VCF2: variants seen among roughly 807,000 people sequenced by gnomAD.
The protein encoded by VCF2 is VCP nuclear cofactor family member 2.
At chrX:55,147,634 G>GTTTTTCTTTT in the VCF2 span, among the ~76,000 whole-genome samples, 1 of 54,091 alleles carries the variant, frequency 1.8e-5, no homozygotes, top group Non-Finnish European at 3.1e-5. Flanking sequence ...GGCTTTCCTT[G>GTTTTTCTTTT]TTTTTTTTTT....
chrX:55,155,230 T>C, the VCF2 span, among the ~76,000 whole-genome samples: 9 of 111,966 alleles, frequency 8.0e-5, no homozygotes, highest in Non-Finnish European at 1.5e-4. Context: ...GGGCCTTGAA[T>C]GTTACTCTAA....
At chrX:55,152,999 A>G in the VCF2 span, among the ~76,000 whole-genome samples, 1 of 112,107 alleles carries the variant, frequency 8.9e-6, no homozygotes, top group Admixed American at 9.4e-5. Flanking sequence ...CAGATCAAGG[A>G]CTCAAAAGAT....
chrX:55,145,506 T>C, the VCF2 span: 174 of 753,187 alleles, frequency 2.3e-4, no homozygotes, highest in South Asian at 3.4e-4. Context: ...AAACTGGGTC[T>C]GATTGTTGCC....
chrX:55,158,957 T>C, the VCF2 span, among the ~76,000 whole-genome samples: 128 of 112,154 alleles, frequency 1.1e-3, 1 homozygote, highest in Admixed American at 6.3e-3. Context: ...CCATTTTCTG[T>C]GAGATACTAT....
the VCF2 span, chrX:55,146,349 C>T: frequency 8.8e-7 from 1 of 1,133,574 alleles, no homozygotes; most frequent in Non-Finnish European, 1.2e-6. Context: ...TGCTATTATG[C>T]TATTACAACA....
chrX:55,146,449 T>C, the VCF2 span: 1 of 542,230 alleles, frequency 1.8e-6, no homozygotes, highest in Non-Finnish European at 3.0e-6. Context: ...AGATAGTTCA[T>C]TCTATCCTCA....
chrX:55,145,710 T>C, the VCF2 span: 5 of 762,945 alleles, frequency 6.6e-6, no homozygotes, highest in Non-Finnish European at 7.8e-6. Context: ...TTTTTAAAAA[T>C]GAAGACTTAC....
chrX:55,148,170 C>T, the VCF2 span, among the ~76,000 whole-genome samples: 1 of 109,269 alleles, frequency 9.2e-6, no homozygotes, highest in Non-Finnish European at 1.9e-5. Flanking sequence ...TCTGAGTAAA[C>T]CATTTAAAAA....
At chrX:55,160,880 A>G in the VCF2 span, 4 of 1,144,489 alleles carry the variant, frequency 3.5e-6, no homozygotes, top group Admixed American at 2.6e-5. Flanking sequence ...AAGAACCAGC[A>G]TGTTCTTTCG....
chrX:55,145,791 T>C, the VCF2 span: 1 of 848,288 alleles, frequency 1.2e-6, no homozygotes, highest in Non-Finnish European at 1.4e-6. Context: ...GAATTGGACA[T>C]ATGGCTTCAA....
At chrX:55,149,445 T>C in the VCF2 span, among the ~76,000 whole-genome samples, 1 of 111,514 alleles carries the variant, frequency 9.0e-6, no homozygotes, top group Admixed American at 9.5e-5. Flanking sequence ...TAAAGCCTTA[T>C]CTTCAGACCC....
the VCF2 span, among the ~76,000 whole-genome samples, chrX:55,145,022 A>AC: frequency 9.9e-5 from 11 of 110,855 alleles, no homozygotes; most frequent in African/African-American, 2.6e-4. Context: ...AAACATGGGG[A>AC]CCCCCCCATC....
the VCF2 span, chrX:55,146,021 T>C: frequency 8.7e-7 from 1 of 1,154,932 alleles, no homozygotes; most frequent in Non-Finnish European, 1.2e-6. Flanking sequence ...TAGACTTTTT[T>C]TGGTGTGTAT....
chrX:55,161,176 T>C, the VCF2 span: 1 of 1,201,852 alleles, frequency 8.3e-7, no homozygotes, highest in African/African-American at 1.7e-5. Flanking sequence ...CTCGGAACCA[T>C]AGCAACCGCG....
At chrX:55,151,842 T>C in the VCF2 span, among the ~76,000 whole-genome samples, 1 of 110,679 alleles carries the variant, frequency 9.0e-6, no homozygotes, top group Non-Finnish European at 1.9e-5. Flanking sequence ...TTTCCTTTTT[T>C]TCCATTTTTC....
the VCF2 span, among the ~76,000 whole-genome samples, chrX:55,146,934 T>C: frequency 8.9e-6 from 1 of 112,479 alleles, no homozygotes; most frequent in South Asian, 3.6e-4. Context: ...ATGTTACTTA[T>C]TAGCATTTTA....
At chrX:55,143,540 T>C in the VCF2 span, 1 of 240,214 alleles carries the variant, frequency 4.2e-6, no homozygotes, top group Non-Finnish European at 7.5e-6. Flanking sequence ...TCGCTGTTTA[T>C]AGCTTTCTTG....
the VCF2 span, chrX:55,143,902 T>C: frequency 9.5e-7 from 1 of 1,047,714 alleles, no homozygotes; most frequent in Non-Finnish European, 1.3e-6. Context: ...AGAGATTGCA[T>C]ATTGTATTTA....
At chrX:55,154,378 T>C in the VCF2 span, among the ~76,000 whole-genome samples, 1 of 112,568 alleles carries the variant, frequency 8.9e-6, no homozygotes, top group Non-Finnish European at 1.9e-5. Context: ...AGAATGCTTA[T>C]ACTATCTGAC....
Sources: allele counts gnomAD v4.1 joint callset (sites outside exome capture counted in the v4.1 genomes callset), GRCh38; gene constraint gnomAD v4.1.1; transcripts MANE v1.5; gene names NCBI Gene and HGNC (gene_info 2026-07-23, HGNC 2026-07-21).